P4HA1: variants seen among roughly 807,000 people sequenced by gnomAD.
P4HA1 encodes prolyl 4-hydroxylase subunit alpha 1.
P4HA1 carries 24 observed loss-of-function variants against 72.8 expected under a neutral mutation model. The ratio of observed to expected loss-of-function variants is 0.33; its 90% CI spans 0.24 to 0.46. The LOEUF (loss-of-function observed/expected upper bound fraction) is 0.46. Ranked by LOEUF, P4HA1 falls within the 20% of genes least tolerant of loss-of-function variation. P4HA1 has a pLI of 1.00. For synonymous variants in P4HA1, 201 were observed against 218.8 expected (o/e 0.92, Z 0.72); for missense variants, 446 against 640.6 (o/e 0.70, Z 3.28).
Position 73,009,919 on chromosome 10 carries a change from C to G in P4HA1, c.1438-16G>C. On this transcript the variant is annotated splice_polypyrimidine_tract_variant and intron_variant, in intron 13 of 14. Coordinates refer to ENST00000394890, the MANE Select transcript of P4HA1 (RefSeq NM_001017962.3). ...CAGCAGTTCCCTATGGAGAACAATT[C>G]ACAATTATCCCCAAGTATACAATGC... is the stretch of plus-strand genomic sequence containing the variant. 1 of 1,358,576 alleles carries G rather than the reference C, an allele frequency of 7.4e-7. No homozygotes were observed. The highest frequency in any genetic ancestry group is 1.2e-5 in the South Asian group (1 of 85,796). The allele number at this position is 1,358,576 out of a possible 1,614,324, so 84.2% of individuals were successfully genotyped here.
chr10:73,026,005 A>G (rs2133054080), intron 10 of P4HA1, among the ~76,000 whole-genome samples: 1 of 152,340 alleles, frequency 6.6e-6, no homozygotes, highest in Non-Finnish European at 1.5e-5. Flanking sequence ...AGGAAGAATC[A>G]ATATCGTGAA....
chr10:73,015,192 G>T lies in P4HA1; in HGVS notation c.1303-903C>A, dbSNP rs188098338. On this transcript the variant is annotated intron_variant, in intron 11 of 14. Transcript: ENST00000394890. ...CTTTCAGCACTATAATCAAGCTAAA[G>T]AATTAATATCTAAATATTTATATCT... is the stretch of plus-strand genomic sequence containing the variant. Among the ~76,000 whole-genome samples the T allele has an allele frequency of 2.6e-3, 402 of 152,032 alleles. 3 individuals are homozygous for T. The highest frequency in any genetic ancestry group is 0.025 in the Admixed American group (376 of 15,260).
chr10:73,037,424 TC>T (rs1251989160), intron 9 of P4HA1, among the ~76,000 whole-genome samples: 1 of 148,032 alleles, frequency 6.8e-6, no homozygotes, highest in Admixed American at 6.8e-5. Context: ...TAAGGAAAGC[TC>T]CAAAGAAAAA....
rs554528933 is a variant in P4HA1, at chr10:73,070,932, A to G, written c.325+1097T>C. On this transcript the variant is annotated intron_variant, in intron 4 of 14. Transcript: ENST00000394890. ...ACCATGGCTCACGCGTGTAATCCCTAGCGCTGTGGGAGGCTGAGGTGGAAG... is the reference window on the plus strand; with the variant it reads ...ACCATGGCTCACGCGTGTAATCCCTGGCGCTGTGGGAGGCTGAGGTGGAAG... Among the ~76,000 whole-genome samples the G allele has an allele frequency of 2.0e-5, 3 of 152,288 alleles. No homozygotes were observed. In the South Asian group the frequency reaches 6.2e-4, roughly 32 times the overall value.
At chr10:73,044,026 GT>G in intron 9 of P4HA1, 2 of 1,167,876 alleles carry the variant, frequency 1.7e-6, no homozygotes, top group Non-Finnish European at 2.6e-6. Context: ...TGTTTGTTTT[GT>G]TTTGCCAAGC....
intron 10 of P4HA1, among the ~76,000 whole-genome samples, chr10:73,022,458 A>T (rs1176212022): frequency 6.6e-6 from 1 of 151,732 alleles, no homozygotes; most frequent in African/African-American, 2.4e-5. Context: ...ACATCAACAA[A>T]AAGGTCATCT....
At position 73,047,008 on chromosome 10, in the gene P4HA1, A is replaced by AC. The variant is rs765818824; in HGVS notation, c.993_994insG (p.Trp332ValfsTer11). 1 of 1,613,066 alleles carries AC rather than the reference A, an allele frequency of 6.2e-7. No homozygotes were observed. The highest frequency in any genetic ancestry group is 1.1e-5 in the South Asian group (1 of 91,062). ...AAGCGAATAATACGAGGCTTGTCCC[A>AC]TTCATCCTCCTGTTTAGCTGGAGCC... is the stretch of plus-strand genomic sequence containing the variant. On this transcript the variant is annotated frameshift_variant, in exon 8 of 15. Transcript: ENST00000394890. LOFTEE classifies it high-confidence loss of function.
chr10:73,023,571 T>A (rs1840188420), intron 10 of P4HA1, among the ~76,000 whole-genome samples: 1 of 152,134 alleles, frequency 6.6e-6, no homozygotes, highest in Non-Finnish European at 1.5e-5. Flanking sequence ...ATCGATGCTA[T>A]GAAGAAACCG....
chr10:73,051,135 G>A lies in P4HA1; in HGVS notation c.818C>T (p.Pro273Leu), dbSNP rs562929059. ...SDDQSDQKTT[P>L]KKKGVAVDYL... ...ATCCACAGCAACCCCTTTTTTCTTTGGTGTAGTTTTCTGATCAGATTGGTC... is the reference window on the plus strand; with the variant it reads ...ATCCACAGCAACCCCTTTTTTCTTTAGTGTAGTTTTCTGATCAGATTGGTC... The change falls in exon 7 of 15, where the codon CCA becomes CTA. Residue 273 changes from proline to leucine, a missense_variant. Transcript: ENST00000394890. 1.2e-6 allele frequency: 2 copies of A among 1,613,528 alleles called. No homozygotes were observed. Among genetic ancestry groups the A allele is most frequent in the African/African-American group, 2.7e-5 (2 of 74,876 alleles).
At chr10:73,014,129 T>G (rs1839966472) in intron 12 of P4HA1, 95 bp downstream of exon 12, 6 of 816,658 alleles carry the variant, frequency 7.3e-6, no homozygotes, top group Non-Finnish European at 1.2e-5. Flanking sequence ...TAAACTAGGA[T>G]GCTGAATCAG....
chr10:73,033,127 C>T (rs1324525756), intron 9 of P4HA1, among the ~76,000 whole-genome samples: 1 of 152,118 alleles, frequency 6.6e-6, no homozygotes, highest in Non-Finnish European at 1.5e-5. Flanking sequence ...CCTGTCTTTC[C>T]TGCCTAGCAC....
intron 1 of P4HA1, among the ~76,000 whole-genome samples, chr10:73,091,705 T>C (rs935960420): frequency 6.6e-6 from 1 of 152,200 alleles, no homozygotes; most frequent in Non-Finnish European, 1.5e-5. Flanking sequence ...TTACTGAAGT[T>C]CCAAAAATCA....
intron 1 of P4HA1, among the ~76,000 whole-genome samples, chr10:73,079,894 A>T (rs1203863047): frequency 1.3e-5 from 2 of 152,182 alleles, no homozygotes; most frequent in African/African-American, 4.8e-5. Flanking sequence ...GACTAGGTCA[A>T]TCATTGACTT....
intron 1 of P4HA1, among the ~76,000 whole-genome samples, chr10:73,092,264 A>T (rs1046473857): frequency 6.6e-6 from 1 of 151,560 alleles, no homozygotes; most frequent in African/African-American, 2.4e-5. Flanking sequence ...TTTATGTCCT[A>T]CTTCTCCTAT....
chr10:73,031,466 CAG>C (rs1209124265), intron 9 of P4HA1, among the ~76,000 whole-genome samples: 1 of 152,220 alleles, frequency 6.6e-6, no homozygotes, highest in East Asian at 1.9e-4. Flanking sequence ...ACCTGGGTGA[CAG>C]AGTGAGACCC....
At chr10:73,026,078 C>T (rs1173265881) in intron 10 of P4HA1, among the ~76,000 whole-genome samples, 2 of 152,182 alleles carry the variant, frequency 1.3e-5, no homozygotes, top group Non-Finnish European at 2.9e-5. Context: ...CTACCAATGA[C>T]TTTCTTCACA....
intron 1 of P4HA1, among the ~76,000 whole-genome samples, chr10:73,092,126 G>A (rs79900070): frequency 0.051 from 7,778 of 152,106 alleles, 621 homozygotes; most frequent in African/African-American, 0.17. Flanking sequence ...ATAAGACCAT[G>A]TATACTAGAA....
rs183380808 is a variant in P4HA1 at position 73,046,986 on chromosome 10, C to T, written c.1016G>A (p.Arg339His). 2.5e-6 allele frequency: 4 copies of T among 1,612,676 alleles called. No homozygotes were observed. The highest frequency in any genetic ancestry group is 2.5e-6 in the Non-Finnish European group (3 of 1,178,950). Residue 339 changes from arginine (R) to histidine (H), a missense_variant, in exon 8 of 15, where the codon CGC (arginine) becomes CAC (histidine). Transcript: ENST00000394890. ...TGCATCAGAAATAATATCATGGAAG[C>T]GAATAATACGAGGCTTGTCCCATTC... is the stretch of plus-strand genomic sequence containing the variant. ...EDEWDKPRII[R>H]FHDIISDAEI...
At chr10:73,042,578 T>C (rs182230328) in intron 9 of P4HA1, among the ~76,000 whole-genome samples, 1 of 152,326 alleles carries the variant, frequency 6.6e-6, no homozygotes, top group Non-Finnish European at 1.5e-5. Flanking sequence ...ACCATAATGA[T>C]TTGATATCCA....
Sources: gnomAD v4.1 joint callset for allele counts (sites outside exome capture counted in the v4.1 genomes callset) on GRCh38, gnomAD v4.1.1 for gene constraint, MANE v1.5 for transcripts, NCBI Gene and HGNC (gene_info 2026-07-23, HGNC 2026-07-21) for gene names.